Variants in TACC2 observed in about 807,000 individuals in gnomAD.
TACC2 encodes the protein transforming acidic coiled-coil-containing protein 2.
Under a neutral mutation model 227.3 loss-of-function variants are expected in TACC2, and 137 were observed. The observed-to-expected ratio is 0.60, with a 90% confidence interval of 0.52 to 0.69. TACC2 has a LOEUF of 0.69. TACC2 is among the 30% of genes least tolerant of loss of function. The pLI, the probability that TACC2 is intolerant of heterozygous loss-of-function variation, is 0.00. For missense variants in TACC2, 3,470 were observed against 3,694.4 expected, an observed-to-expected ratio of 0.94 and a Z score of 1.57; for synonymous variants, 1,523 against 1,487.5, an observed-to-expected ratio of 1.02 and a Z score of -0.55.
chr10:122,172,707 G>A (rs766449679), intron 7 of TACC2, among the ~76,000 whole-genome samples: 54 of 152,302 alleles, frequency 3.5e-4, no homozygotes, highest in Non-Finnish European at 7.5e-4. Context: ...TTTCATGAAT[G>A]GCCCTAAGAC....
chr10:122,167,810 A>C (rs1212526313), intron 7 of TACC2, among the ~76,000 whole-genome samples: 1 of 152,220 alleles, frequency 6.6e-6, no homozygotes, highest in Non-Finnish European at 1.5e-5. Flanking sequence ...CCAGCCTCTC[A>C]GTCACTCAGA....
chr10:122,166,840 G>A (rs1182679486), intron 7 of TACC2, among the ~76,000 whole-genome samples: 2 of 152,194 alleles, frequency 1.3e-5, no homozygotes, highest in Non-Finnish European at 2.9e-5. Flanking sequence ...TAGAATATGA[G>A]TAGCAAGGGG....
In TACC2 at chr10:122,210,024, ATG is replaced by A. The variant is rs2095252354; in HGVS notation, c.5972-370_5972-369del. The A allele has an allele frequency of 4.1e-6, 1 of 241,762 alleles. No homozygotes were observed. Among genetic ancestry groups the A allele is most frequent in the East Asian group, 1.0e-4 (1 of 9,934 alleles). The allele number at this position is 241,762 out of a possible 1,614,324, so 15.0% of individuals were successfully genotyped here. On this transcript the variant is annotated intron_variant, in intron 8 of 22. Transcript: ENST00000369005. The surrounding 1 kb of genome is among the most constrained non-coding windows in gnomAD (Gnocchi z 4.6). Reference sequence around the variant, plus strand: ...TTTATTCGCTATCTTCCCCTGAAGAATGTGACTTCCAGGAAGGGAAAGGTTTT... The same window carrying A: ...TTTATTCGCTATCTTCCCCTGAAGAATGACTTCCAGGAAGGGAAAGGTTTT...
intron 5 of TACC2, among the ~76,000 whole-genome samples, chr10:122,090,546 C>CAAAAAAAAAAAAAAAAAAAAAA (rs1188822419): frequency 2.4e-5 from 1 of 41,112 alleles, no homozygotes; most frequent in Non-Finnish European, 5.1e-5. Context: ...GACTCTATCT[C>CAAAAAAAAAAAAAAAAAAAAAA]AAAAAAAAAA....
intron 5 of TACC2, among the ~76,000 whole-genome samples, chr10:122,118,162 G>A (rs1282473583): frequency 2.0e-5 from 3 of 151,980 alleles, no homozygotes; most frequent in South Asian, 2.1e-4. Flanking sequence ...CTACAGGCAT[G>A]TGCCACCATG....
chr10:122,093,433 T>G (rs2081048740), intron 5 of TACC2, among the ~76,000 whole-genome samples: 1 of 152,222 alleles, frequency 6.6e-6, no homozygotes, highest in Non-Finnish European at 1.5e-5. Flanking sequence ...AGTTTAAGAA[T>G]AAGCTTTTAG....
intron 14 of TACC2, among the ~76,000 whole-genome samples, chr10:122,228,922 A>T (rs1392047338): frequency 2.0e-5 from 3 of 152,174 alleles, no homozygotes. Flanking sequence ...TTTTCATTTG[A>T]AATCATCTTT....
At chr10:122,152,068 C>G (rs2092097801) in intron 7 of TACC2, among the ~76,000 whole-genome samples, 1 of 152,190 alleles carries the variant, frequency 6.6e-6, no homozygotes, top group African/African-American at 2.4e-5. Context: ...GGTATAATTC[C>G]CCATGTGGCT....
chr10:122,212,735 G>T (rs1052690789), intron 9 of TACC2, among the ~76,000 whole-genome samples: 8 of 152,192 alleles, frequency 5.3e-5, no homozygotes, highest in African/African-American at 1.7e-4. Flanking sequence ...CCTCCTGAGA[G>T]GAGGTCTCTA....
intron 3 of TACC2, among the ~76,000 whole-genome samples, chr10:122,074,733 G>A (rs117704142): frequency 1.3e-5 from 2 of 152,246 alleles, no homozygotes; most frequent in East Asian, 1.9e-4. Flanking sequence ...ATGCAAAGCC[G>A]AGGACAGGAA....
At chr10:122,171,011 T>TGGCTGTGAGCAGTAGATTAGG (rs2093444280) in intron 7 of TACC2, among the ~76,000 whole-genome samples, 1 of 72,020 alleles carries the variant, frequency 1.4e-5, no homozygotes, top group Admixed American at 1.2e-4. Flanking sequence ...GGCTGGTGTG[T>TGGCTGTGAGCAGTAGATTAGG]GGCTGTGAGC....
At chr10:122,059,060 T>TTTGTTG (rs66524910) in intron 3 of TACC2, among the ~76,000 whole-genome samples, 4 of 70,098 alleles carry the variant, frequency 5.7e-5, no homozygotes, top group African/African-American at 8.2e-5. Context: ...GCCTGGCTAA[T>TTTGTTG]TTGTTGTTGT....
chr10:122,167,020 C>G (rs1238837658), intron 7 of TACC2, among the ~76,000 whole-genome samples: 1 of 152,206 alleles, frequency 6.6e-6, no homozygotes, highest in Non-Finnish European at 1.5e-5. Context: ...CTAAGTGGGG[C>G]AGCATTAAGT....
At chr10:122,146,013 A>C (rs1463061618) in intron 7 of TACC2, among the ~76,000 whole-genome samples, 2 of 152,236 alleles carry the variant, frequency 1.3e-5, no homozygotes, top group African/African-American at 4.8e-5. Flanking sequence ...GAGGTCTGGA[A>C]GACAGGCACC....
intron 8 of TACC2, among the ~76,000 whole-genome samples, chr10:122,196,996 C>A (rs1348996897): frequency 6.6e-6 from 1 of 150,502 alleles, no homozygotes; most frequent in African/African-American, 2.4e-5. Flanking sequence ...CATGGTGGCT[C>A]ACGCCTGTAA....
chr10:122,167,558 G>A (rs753133410), intron 7 of TACC2, among the ~76,000 whole-genome samples: 2 of 152,322 alleles, frequency 1.3e-5, no homozygotes, highest in Non-Finnish European at 2.9e-5. Flanking sequence ...GGGTACCACC[G>A]CAGTAGGTAG....
chr10:122,146,314 C>T (rs191340011), intron 7 of TACC2, among the ~76,000 whole-genome samples: 142 of 152,144 alleles, frequency 9.3e-4, no homozygotes, highest in African/African-American at 3.3e-3. Flanking sequence ...TATATTGATA[C>T]ATCTTTATTA....
chr10:122,135,595 T>C (rs2089447039), intron 6 of TACC2, among the ~76,000 whole-genome samples: 1 of 152,246 alleles, frequency 6.6e-6, no homozygotes, highest in Non-Finnish European at 1.5e-5. Flanking sequence ...GAGATAGTTC[T>C]GTTAATACCA....
chr10:122,119,873 C>T (rs1173720325), intron 5 of TACC2, among the ~76,000 whole-genome samples: 6 of 151,584 alleles, frequency 4.0e-5, no homozygotes, highest in East Asian at 1.9e-4. Flanking sequence ...GAGTCAAGAT[C>T]GCGCTGCTGT....
Sources: allele counts gnomAD v4.1 joint callset (sites outside exome capture counted in the v4.1 genomes callset), GRCh38; gene constraint gnomAD v4.1.1; non-coding constraint Gnocchi (gnomAD v3.1); transcripts MANE v1.5; gene names NCBI Gene and HGNC (gene_info 2026-07-23, HGNC 2026-07-21).